Variants in IQGAP2 observed in about 807,000 individuals in gnomAD.
The protein encoded by IQGAP2 is ras GTPase-activating-like protein IQGAP2.
A neutral mutation model predicts 201.3 loss-of-function variants in IQGAP2; 173 were observed. The observed-to-expected ratio is 0.86, with a 90% CI of 0.76 to 0.98. The LOEUF (loss-of-function observed/expected upper bound fraction) is 0.98, where lower values mean the gene tolerates loss of function less well. Among genes scored for constraint, IQGAP2 ranks in the 50% least tolerant of loss-of-function variants. IQGAP2 has a pLI of 0.00. For synonymous variants in IQGAP2, 675 were observed against 673.9 expected (o/e 1.00, Z -0.03); for missense variants, 1,687 against 1,864.8 (o/e 0.90, Z 1.76).
intron 15 of IQGAP2, 85 bp from the exon 16 acceptor site, chr5:76,636,949 C>A: frequency 8.9e-7 from 1 of 1,119,472 alleles, no homozygotes; most frequent in Non-Finnish European, 1.2e-6. Flanking sequence ...AAAACATATT[C>A]AATTATTTTA....
chr5:76,496,797 T>TTCTTTCTTTCTTTC (rs1757014337), intron 2 of IQGAP2, among the ~76,000 whole-genome samples: 1 of 143,016 alleles, frequency 7.0e-6, no homozygotes, highest in Non-Finnish European at 1.5e-5. Flanking sequence ...TTCTTTCTCT[T>TTCTTTCTTTCTTTC]TCTTTCTTTC....
At chr5:76,686,071 A>G (rs1012663207) in intron 30 of IQGAP2, among the ~76,000 whole-genome samples, 3 of 152,172 alleles carry the variant, frequency 2.0e-5, no homozygotes, top group Non-Finnish European at 4.4e-5. Flanking sequence ...GGATCCTTCC[A>G]TATGTTTGTC....
At chr5:76,651,274 G>T (rs1752495560) in intron 17 of IQGAP2, among the ~76,000 whole-genome samples, 1 of 152,082 alleles carries the variant, frequency 6.6e-6, no homozygotes, top group African/African-American at 2.4e-5. Context: ...TTATCTCTAT[G>T]CCTTCTTATT....
Position 76,503,588 on chromosome 5 carries a change from TA to T in IQGAP2, c.146+41924del, listed in dbSNP as rs542197804. Reference sequence around the variant, plus strand: ...AAGAACTCTCAGGTTACTTTTTTTTTAAAAATTTTATTTATTTTTTGATACA... The same window carrying T: ...AAGAACTCTCAGGTTACTTTTTTTTTAAAATTTTATTTATTTTTTGATACA... On this transcript the variant is annotated intron_variant, in intron 2 of 35. Coordinates refer to ENST00000274364, the MANE Select transcript of IQGAP2 (RefSeq NM_006633.5). 2.6e-3 allele frequency among the ~76,000 whole-genome samples: 340 copies of T among 132,628 alleles called. 1 individual carries two copies. Among genetic ancestry groups the T allele is most frequent in the African/African-American group, 9.0e-3 (316 of 35,058 alleles). 87.0% of individuals were successfully genotyped at this position (132,628 alleles called of 152,430 possible).
At chr5:76,552,139 G>A (rs549284929) in intron 2 of IQGAP2, among the ~76,000 whole-genome samples, 2 of 152,192 alleles carry the variant, frequency 1.3e-5, no homozygotes, top group Admixed American at 6.5e-5. Flanking sequence ...CTCACACCCA[G>A]AGCCAGATAG....
At chr5:76,571,346 T>C (rs2150272203) in intron 4 of IQGAP2, among the ~76,000 whole-genome samples, 1 of 152,076 alleles carries the variant, frequency 6.6e-6, no homozygotes, top group South Asian at 2.1e-4. Context: ...AGCTAATTTT[T>C]GTTTTTGTTT....
At chr5:76,565,317 A>G (rs892830514) in intron 3 of IQGAP2, among the ~76,000 whole-genome samples, 8 of 152,136 alleles carry the variant, frequency 5.3e-5, no homozygotes, top group African/African-American at 1.9e-4. Context: ...GTCTGCCTAG[A>G]CTGCAGCCAT....
intron 2 of IQGAP2, among the ~76,000 whole-genome samples, chr5:76,515,071 T>TAG: frequency 6.6e-6 from 1 of 152,246 alleles, no homozygotes; most frequent in South Asian, 2.1e-4. Flanking sequence ...GTAGCCCTAC[T>TAG]TTGACTGCTC....
chr5:76,628,720 C>T (rs1226277675), intron 14 of IQGAP2: 1 of 456,202 alleles, frequency 2.2e-6, no homozygotes, highest in Admixed American at 2.3e-5. Context: ...CTGTGAGAAA[C>T]ATCTGGGCTT....
At chr5:76,648,716 T>C (rs1405112711) in intron 17 of IQGAP2, among the ~76,000 whole-genome samples, 1 of 152,176 alleles carries the variant, frequency 6.6e-6, no homozygotes, top group Non-Finnish European at 1.5e-5. Flanking sequence ...AAAAGGTTTA[T>C]AAACCACACA....
At chr5:76,641,876 G>A (rs1011708715) in intron 17 of IQGAP2, among the ~76,000 whole-genome samples, 1 of 152,062 alleles carries the variant, frequency 6.6e-6, no homozygotes, top group Non-Finnish European at 1.5e-5. Context: ...TTTTTTGTGT[G>A]GTCACTGGTG....
intron 1 of IQGAP2, among the ~76,000 whole-genome samples, chr5:76,438,035 G>GTTTTTTTTTTTTT (rs71604291): frequency 2.9e-5 from 2 of 68,598 alleles, no homozygotes; most frequent in South Asian, 3.8e-4. Context: ...TTTTTTGTTT[G>GTTTTTTTTTTTTT]TTTTTTTTTT....
intron 1 of IQGAP2, chr5:76,441,565 G>A (rs1753036395): frequency 1.0e-6 from 1 of 973,620 alleles, no homozygotes; most frequent in South Asian, 4.8e-5. Flanking sequence ...AAAGCCAGTG[G>A]CAGGGTTCGT....
chr5:76,503,558 TAGAAA>T (rs1395397816), intron 2 of IQGAP2, among the ~76,000 whole-genome samples: 2 of 147,608 alleles, frequency 1.4e-5, no homozygotes, highest in Non-Finnish European at 3.0e-5. Flanking sequence ...TGTGGAGTCT[TAGAAA>T]AGAACTCTCA....
At chr5:76,520,455 C>T (rs946711867) in intron 2 of IQGAP2, among the ~76,000 whole-genome samples, 14 of 152,166 alleles carry the variant, frequency 9.2e-5, no homozygotes, top group African/African-American at 3.4e-4. Flanking sequence ...AGCCACCGCG[C>T]CCGGCGCATT....
intron 23 of IQGAP2, among the ~76,000 whole-genome samples, chr5:76,669,979 C>T (rs909998515): frequency 1.3e-5 from 2 of 152,224 alleles, no homozygotes; most frequent in African/African-American, 2.4e-5. Context: ...CCCGCCACCA[C>T]GCCTGGCTAA....
chr5:76,623,936 C>CTTTTTTTTTTTTT (rs368076875), intron 13 of IQGAP2, among the ~76,000 whole-genome samples: 1 of 100,780 alleles, frequency 9.9e-6, no homozygotes, highest in African/African-American at 4.0e-5. Context: ...TTTGTTCAGG[C>CTTTTTTTTTTTTT]TTTTTTTTTT....
At chr5:76,667,167 G>GTAGA (rs554770676) in intron 22 of IQGAP2, among the ~76,000 whole-genome samples, 25,473 of 151,938 alleles carry the variant, frequency 0.17, 2,283 homozygotes, top group Non-Finnish European at 0.2. Flanking sequence ...TGGTGAGTAG[G>GTAGA]CATCTTTCTT....
In IQGAP2 at chr5:76,707,579, T is replaced by C. The variant is rs1423480902; in HGVS notation, c.*266T>C. The C allele has an allele frequency of 3.3e-6, 1 of 302,878 alleles. No homozygotes were observed. 18.8% of individuals were successfully genotyped at this position (302,878 alleles called of 1,614,324 possible). A position where few individuals can be genotyped will look rare whatever the true frequency, so the allele number is the denominator to read the frequency against. ...CTGATTTAAAACTTTGGACATCCTG[T>C]GATCTGTTTTAAAGTTGGGGGGTGG... On this transcript the variant is annotated 3_prime_UTR_variant, in exon 36 of 36. Transcript: ENST00000274364.
Sources: gnomAD v4.1 joint callset for allele counts (sites outside exome capture counted in the v4.1 genomes callset) on GRCh38, gnomAD v4.1.1 for gene constraint, MANE v1.5 for transcripts, NCBI Gene and HGNC (gene_info 2026-07-23, HGNC 2026-07-21) for gene names.